The following ANO10 variants were observed in gnomAD, a reference collection of about 807,000 sequenced individuals.
ANO10 encodes the protein anoctamin-10.
Under a neutral mutation model 74.7 loss-of-function variants are expected in ANO10, and 77 were observed. That is an observed-to-expected ratio of 1.03 (90% CI 0.86 to 1.25). The LOEUF is 1.25. Ranked by LOEUF, ANO10 falls within the 50% of genes most tolerant of loss-of-function variation. ANO10 has a pLI of 0.00. For synonymous variants in ANO10, 279 were observed against 284.9 expected (o/e 0.98, Z 0.21); for missense variants, 721 against 778.1 (o/e 0.93, Z 0.87).
At chr3:43,504,300 G>GTAGATCGATAGA (rs2077207820) in intron 11 of ANO10, among the ~76,000 whole-genome samples, 1 of 139,724 alleles carries the variant, frequency 7.2e-6, no homozygotes, top group Non-Finnish European at 1.5e-5. Flanking sequence ...AGGTAGGTAG[G>GTAGATCGATAGA]TAGATAGATA....
chr3:43,671,241 G>C (rs1482840149), intron 1 of ANO10, among the ~76,000 whole-genome samples: 1 of 152,146 alleles, frequency 6.6e-6, no homozygotes, highest in Non-Finnish European at 1.5e-5. Context: ...TTATAACATA[G>C]TTCTGAGTAC....
At chr3:43,490,575 G>C (rs2076680293) in intron 11 of ANO10, among the ~76,000 whole-genome samples, 1 of 152,156 alleles carries the variant, frequency 6.6e-6, no homozygotes, top group Non-Finnish European at 1.5e-5. Context: ...ACTCAAACTG[G>C]TCTAGACCAT....
rs994450255 is a variant in ANO10 at position 43,485,162 on chromosome 3, G to A, written c.1798-52435C>T. 1.4e-5 allele frequency: 10 copies of A among 739,308 alleles called. No homozygotes were observed. In the East Asian group the frequency reaches 2.0e-4, roughly 15 times the overall value. The allele number at this position is 739,308 out of a possible 1,614,324, so 45.8% of individuals were successfully genotyped here. ...TCTGGATGGAGTGGGCCCTGGCGCG[G>A]TAGCACTGGGTGACAGCGCCTGCGG... On this transcript the variant is annotated intron_variant, in intron 11 of 12. Coordinates refer to ENST00000292246, the MANE Select transcript of ANO10 (RefSeq NM_018075.5).
intron 12 of ANO10, among the ~76,000 whole-genome samples, chr3:43,386,648 C>CGTGCGTGT (rs1553643243): frequency 1.4e-5 from 2 of 139,892 alleles, no homozygotes; most frequent in African/African-American, 5.4e-5. Flanking sequence ...TAGGTGTGTA[C>CGTGCGTGT]GTGTGTGTGT....
chr3:43,561,982 A>T (rs1284361400), intron 8 of ANO10, among the ~76,000 whole-genome samples: 1 of 152,232 alleles, frequency 6.6e-6, no homozygotes, highest in Non-Finnish European at 1.5e-5. Flanking sequence ...TAAAGAATTT[A>T]AATTATACCA....
chr3:43,634,763 G>T (rs1223662232), intron 1 of ANO10, among the ~76,000 whole-genome samples: 1 of 150,364 alleles, frequency 6.7e-6, no homozygotes, highest in South Asian at 2.1e-4. Flanking sequence ...GGGGAGTAAG[G>T]CATCTACACA....
chr3:43,576,679 C>T lies in ANO10; in HGVS notation c.1162+13G>A. ...AGGCAAGTAAGACGTGAATATAAAG[C>T]CTCAAGTCTTACCCCATGAAGTTAA... On this transcript the variant is annotated intron_variant, in intron 6 of 12. Coordinates refer to ENST00000292246, the MANE Select transcript of ANO10 (RefSeq NM_018075.5). 6.2e-7 allele frequency: 1 copy of T among 1,612,878 alleles called. No individual in the cohort carries two copies. The highest frequency in any genetic ancestry group is 1.1e-5 in the South Asian group (1 of 91,044).
At chr3:43,565,769 C>A in intron 7 of ANO10, 42 bp from the exon 8 acceptor site, 2 of 1,522,924 alleles carry the variant, frequency 1.3e-6, no homozygotes, top group Non-Finnish European at 1.8e-6. Context: ...TTAAGCACTG[C>A]TTTAGAGTAC....
At chr3:43,390,501 C>T (rs1050988790) in intron 12 of ANO10, among the ~76,000 whole-genome samples, 3 of 152,226 alleles carry the variant, frequency 2.0e-5, no homozygotes, top group African/African-American at 7.2e-5. Flanking sequence ...TCTTTGAAGG[C>T]ACAGTTCATG....
intron 11 of ANO10, among the ~76,000 whole-genome samples, chr3:43,480,124 T>C (rs2076210841): frequency 6.6e-6 from 1 of 152,144 alleles, no homozygotes; most frequent in African/African-American, 2.4e-5. Flanking sequence ...TTATGATTGC[T>C]GACATTCAAT....
chr3:43,460,909 A>G (rs960360301), intron 11 of ANO10, among the ~76,000 whole-genome samples: 3 of 152,160 alleles, frequency 2.0e-5, no homozygotes, highest in African/African-American at 7.2e-5. Flanking sequence ...AAATTACCAT[A>G]TGATTGTCAA....
intron 12 of ANO10, among the ~76,000 whole-genome samples, chr3:43,394,783 G>A (rs1559504690): frequency 6.6e-6 from 1 of 152,218 alleles, no homozygotes; most frequent in Non-Finnish European, 1.5e-5. Flanking sequence ...TTCTCACAGT[G>A]TTCCCATTTA....
At chr3:43,454,809 G>A (rs2075052902) in intron 11 of ANO10, among the ~76,000 whole-genome samples, 1 of 152,148 alleles carries the variant, frequency 6.6e-6, no homozygotes, top group African/African-American at 2.4e-5. Context: ...GAGACAGTAA[G>A]CATGAACAAT....
chr3:43,575,946 T>C (rs1346816142), intron 6 of ANO10, among the ~76,000 whole-genome samples: 1 of 152,212 alleles, frequency 6.6e-6, no homozygotes, highest in Non-Finnish European at 1.5e-5. Context: ...CCCTAAAACA[T>C]ATTTATGTCC....
chr3:43,667,812 T>C (rs1352440006), intron 1 of ANO10, among the ~76,000 whole-genome samples: 1 of 152,212 alleles, frequency 6.6e-6, no homozygotes, highest in African/African-American at 2.4e-5. Context: ...ATGGTGTATA[T>C]ATACACTGCA....
At chr3:43,584,514 G>A (rs538538344) in intron 4 of ANO10, among the ~76,000 whole-genome samples, 7 of 152,244 alleles carry the variant, frequency 4.6e-5, no homozygotes, top group South Asian at 2.1e-4. Context: ...GAGACAGGGC[G>A]AACAGTGTGA....
chr3:43,455,976 G>T (rs897313856), intron 11 of ANO10, among the ~76,000 whole-genome samples: 1 of 152,098 alleles, frequency 6.6e-6, no homozygotes, highest in Non-Finnish European at 1.5e-5. Context: ...TCTAATTTAC[G>T]ATGGGATAAA....
At chr3:43,476,460 T>C (rs1401155374) in intron 11 of ANO10, among the ~76,000 whole-genome samples, 1 of 152,296 alleles carries the variant, frequency 6.6e-6, no homozygotes, top group East Asian at 1.9e-4. Context: ...ATCCCACCAA[T>C]TGTCTCAGGA....
Position 43,637,367 on chromosome 3 carries a change from T to C in ANO10, c.-11-31504A>G, listed in dbSNP as rs555576832. ...CCTGTAATCCCAGCCACTCGGGAGA[T>C]TGAGGCAAGAGGATCACTTGAACCT... On this transcript the variant is annotated intron_variant, in intron 1 of 3. Transcript: ENST00000413397. Among the ~76,000 whole-genome samples the C allele has an allele frequency of 4.9e-4, 73 of 150,464 alleles. No individual in the cohort carries two copies. In the Middle Eastern group the frequency reaches 0.01, roughly 21 times the overall value.
Sources: gnomAD v4.1 joint callset for allele counts (sites outside exome capture counted in the v4.1 genomes callset) on GRCh38, gnomAD v4.1.1 for gene constraint, MANE v1.5 for transcripts, NCBI Gene and HGNC (gene_info 2026-07-23, HGNC 2026-07-21) for gene names.